The following SLC9A9 variants were observed in gnomAD, a reference collection of about 807,000 sequenced individuals.
SLC9A9 encodes the protein sodium/hydrogen exchanger 9.
Under a neutral mutation model 77.8 loss-of-function variants are expected in SLC9A9, and 62 were observed. That is an observed-to-expected ratio of 0.80 (90% CI 0.65 to 0.98). SLC9A9 has a LOEUF of 0.98. Ranked by LOEUF, SLC9A9 falls within the 50% of genes least tolerant of loss-of-function variation. The probability of loss-of-function intolerance (pLI) is 0.00; values close to 1 mark genes in which losing one functional copy is unlikely to be tolerated. For synonymous variants in SLC9A9, 320 were observed against 283.5 expected, an observed-to-expected ratio of 1.13 and a Z score of -1.29; for missense variants, 775 against 774.9, an observed-to-expected ratio of 1.00 and a Z score of 0.00.
At chr3:143,511,273 C>G (rs1404874599) in intron 9 of SLC9A9, among the ~76,000 whole-genome samples, 2 of 152,138 alleles carry the variant, frequency 1.3e-5, no homozygotes, top group African/African-American at 4.8e-5. Flanking sequence ...GGCTACTGTC[C>G]AAGCTATGGC....
chr3:143,443,305 A>G (rs1191381724), intron 12 of SLC9A9, among the ~76,000 whole-genome samples: 1 of 152,034 alleles, frequency 6.6e-6, no homozygotes, highest in East Asian at 1.9e-4. Context: ...CTCCTTGCCC[A>G]TGTGCCTGCT....
At chr3:143,634,607 T>C (rs2038482637) in intron 6 of SLC9A9, among the ~76,000 whole-genome samples, 1 of 152,186 alleles carries the variant, frequency 6.6e-6, no homozygotes, top group Non-Finnish European at 1.5e-5. Context: ...GCTCTGAACA[T>C]TTTTGTTTGC....
chr3:143,483,479 C>A (rs962729639), intron 11 of SLC9A9, among the ~76,000 whole-genome samples: 4 of 152,200 alleles, frequency 2.6e-5, no homozygotes, highest in African/African-American at 9.7e-5. Context: ...TAAACTGTCA[C>A]CTCCAGGTGC....
At chr3:143,797,978 G>C (rs2008435297) in intron 2 of SLC9A9, among the ~76,000 whole-genome samples, 1 of 152,050 alleles carries the variant, frequency 6.6e-6, no homozygotes, top group Non-Finnish European at 1.5e-5. Context: ...ACCACCCTTG[G>C]GAGATCAACC....
chr3:143,831,635 A>C (rs978965232), intron 2 of SLC9A9, among the ~76,000 whole-genome samples: 2 of 152,214 alleles, frequency 1.3e-5, no homozygotes, highest in Non-Finnish European at 2.9e-5. Flanking sequence ...CTTTGGCTTA[A>C]GAAAGATTTG....
At chr3:143,422,281 A>G (rs2034313623) in intron 12 of SLC9A9, among the ~76,000 whole-genome samples, 1 of 152,228 alleles carries the variant, frequency 6.6e-6, no homozygotes, top group South Asian at 2.1e-4. Flanking sequence ...TTGTTCTACC[A>G]AAAAGACACA....
At chr3:143,785,845 CTTTTTT>C (rs57552730) in intron 4 of SLC9A9, among the ~76,000 whole-genome samples, 24,240 of 113,008 alleles carry the variant, frequency 0.21, 2,689 homozygotes, top group Middle Eastern at 0.38. Context: ...TTGAATTTTT[CTTTTTT>C]TTTTTTTTTT....
intron 14 of SLC9A9, among the ~76,000 whole-genome samples, chr3:143,352,297 T>C (rs1035889687): frequency 1.3e-5 from 2 of 152,204 alleles, no homozygotes; most frequent in African/African-American, 4.8e-5. Flanking sequence ...CTACAGTCTT[T>C]CCTGTTTGAG....
intron 5 of SLC9A9, among the ~76,000 whole-genome samples, chr3:143,679,107 T>TTA (rs1932995195): frequency 6.7e-6 from 1 of 150,300 alleles, no homozygotes; most frequent in Non-Finnish European, 1.5e-5. Flanking sequence ...CACACAGCAG[T>TTA]AAAAAAAAGC....
chr3:143,630,967 T>G (rs2038413897), intron 6 of SLC9A9, among the ~76,000 whole-genome samples: 1 of 152,170 alleles, frequency 6.6e-6, no homozygotes, highest in Non-Finnish European at 1.5e-5. Flanking sequence ...GTATACTTGC[T>G]ATACCTCTCA....
At position 143,390,647 on chromosome 3, in the gene SLC9A9, C is replaced by T. The variant is rs535805938; in HGVS notation, c.1470-8533G>A. ...ACACCGAGTGTGAGCCGAAGCAGGG[C>T]GAGGCGTCGCCTCACCCGGGAAGTG... is the stretch of plus-strand genomic sequence containing the variant. On this transcript the variant is annotated intron_variant, in intron 12 of 15. Transcript: ENST00000316549. 3.8e-3 allele frequency among the ~76,000 whole-genome samples: 579 copies of T among 152,272 alleles called. 3 individuals are homozygous for T. The highest frequency in any genetic ancestry group is 0.014 in the Middle Eastern group (4 of 294).
At chr3:143,303,765 A>G (rs1410008774) in intron 14 of SLC9A9, among the ~76,000 whole-genome samples, 2 of 152,190 alleles carry the variant, frequency 1.3e-5, no homozygotes, top group Non-Finnish European at 2.9e-5. Context: ...CCTACACTTC[A>G]GGTCTGGATG....
At chr3:143,500,698 T>C (rs1296921730) in intron 9 of SLC9A9, among the ~76,000 whole-genome samples, 3 of 152,076 alleles carry the variant, frequency 2.0e-5, no homozygotes, top group East Asian at 1.9e-4. Context: ...TGTCAGTACC[T>C]CCTACCTCCC....
At chr3:143,836,940 T>G (rs1427783247) in intron 1 of SLC9A9, among the ~76,000 whole-genome samples, 1 of 152,182 alleles carries the variant, frequency 6.6e-6, no homozygotes, top group Non-Finnish European at 1.5e-5. Flanking sequence ...GTATAACAAG[T>G]ATTTACTAAA....
chr3:143,432,145 A>G (rs2108536922), intron 12 of SLC9A9, among the ~76,000 whole-genome samples: 1 of 152,192 alleles, frequency 6.6e-6, no homozygotes, highest in East Asian at 1.9e-4. Flanking sequence ...TTCTCTTGCC[A>G]AAATGAAAAC....
chr3:143,352,824 C>T (rs1559879491), intron 14 of SLC9A9, among the ~76,000 whole-genome samples: 1 of 152,132 alleles, frequency 6.6e-6, no homozygotes, highest in Non-Finnish European at 1.5e-5. Context: ...GGCAGCTGTC[C>T]TGGATCATGG....
chr3:143,437,141 C>T (rs2034634931), intron 12 of SLC9A9, among the ~76,000 whole-genome samples: 1 of 152,212 alleles, frequency 6.6e-6, no homozygotes, highest in Non-Finnish European at 1.5e-5. Context: ...CCACTATTGT[C>T]CCAGCCACAG....
intron 12 of SLC9A9, among the ~76,000 whole-genome samples, chr3:143,406,409 C>T (rs974711785): frequency 2.0e-5 from 3 of 151,418 alleles, no homozygotes; most frequent in Non-Finnish European, 4.4e-5. Context: ...TGGAATCTCA[C>T]TCTTGTCGCC....
chr3:143,686,337 TAGGTAAATAAAG>T (rs1933262952), intron 5 of SLC9A9, among the ~76,000 whole-genome samples: 1 of 151,860 alleles, frequency 6.6e-6, no homozygotes, highest in Admixed American at 6.6e-5. Context: ...AGTAAATAAA[TAGGTAAATAAAG>T]AACTAAATAA....
Sources: allele counts gnomAD v4.1 joint callset (sites outside exome capture counted in the v4.1 genomes callset), GRCh38; gene constraint gnomAD v4.1.1; transcripts MANE v1.5; gene names NCBI Gene and HGNC (gene_info 2026-07-23, HGNC 2026-07-21).